Variants in CPPED1 observed in about 807,000 individuals in gnomAD.
CPPED1 encodes the protein serine/threonine-protein phosphatase CPPED1.
Under a neutral mutation model 28.0 loss-of-function variants are expected in CPPED1, and 28 were observed. That is an observed-to-expected ratio of 1.00 (90% CI 0.74 to 1.37). The LOEUF (loss-of-function observed/expected upper bound fraction) is 1.37, where lower values mean the gene tolerates loss of function less well. Ranked by LOEUF, CPPED1 falls within the 40% of genes most tolerant of loss-of-function variation. The pLI is 0.00. For missense variants in CPPED1, 504 were observed against 416.5 expected (o/e 1.21, Z -1.83); for synonymous variants, 198 against 180.2 (o/e 1.10, Z -0.79).
intron 2 of CPPED1, among the ~76,000 whole-genome samples, chr16:12,771,915 G>T (rs1270056434): frequency 6.6e-6 from 1 of 152,132 alleles, no homozygotes; most frequent in African/African-American, 2.4e-5. Flanking sequence ...CTGAGGTCAG[G>T]AGTTTGAGAC....
At chr16:12,673,734 G>C (rs925898012) in intron 3 of CPPED1, among the ~76,000 whole-genome samples, 2 of 152,194 alleles carry the variant, frequency 1.3e-5, no homozygotes, top group Admixed American at 6.5e-5. Context: ...GAGTAGCAAA[G>C]ATGCTGCAAG....
intron 2 of CPPED1, among the ~76,000 whole-genome samples, chr16:12,726,068 G>C (rs142881530): frequency 6.6e-6 from 1 of 151,796 alleles, no homozygotes; most frequent in African/African-American, 2.4e-5. Flanking sequence ...ATGAGATGAA[G>C]TCTCACTCTG....
At chr16:12,691,797 C>T (rs545492234) in intron 3 of CPPED1, among the ~76,000 whole-genome samples, 3 of 97,774 alleles carry the variant, frequency 3.1e-5, no homozygotes, top group East Asian at 2.7e-4. Context: ...GAACATCACA[C>T]GCTGGGGACT....
intron 1 of CPPED1, among the ~76,000 whole-genome samples, chr16:12,782,195 G>A (rs931523032): frequency 3.9e-5 from 6 of 152,168 alleles, no homozygotes; most frequent in Non-Finnish European, 7.3e-5. Context: ...CCGCGCCAGT[G>A]CCTGCTTGGG....
At chr16:12,803,561 C>A (rs984174682) in intron 1 of CPPED1, 146 bp downstream of exon 1, 3 of 653,878 alleles carry the variant, frequency 4.6e-6, no homozygotes, top group Admixed American at 4.2e-5. Context: ...TAAGAGCAGG[C>A]TTTGATGCAG....
intron 2 of CPPED1, among the ~76,000 whole-genome samples, chr16:12,728,462 C>T (rs567762413): frequency 4.6e-5 from 7 of 151,918 alleles, no homozygotes; most frequent in East Asian, 3.9e-4. Flanking sequence ...TCTTGAGATC[C>T]CCCGAGAAAG....
intron 2 of CPPED1, among the ~76,000 whole-genome samples, chr16:12,776,239 C>T (rs112139802): frequency 0.01 from 1,584 of 152,218 alleles, 26 homozygotes; most frequent in African/African-American, 0.036. Context: ...AGCCAAGAAA[C>T]GCAGTTGGCC....
At chr16:12,791,176 G>A (rs1027568886) in intron 1 of CPPED1, among the ~76,000 whole-genome samples, 5 of 151,574 alleles carry the variant, frequency 3.3e-5, no homozygotes, top group East Asian at 1.9e-4. Flanking sequence ...TTTAAGCCCC[G>A]CATGCATTAG....
intron 3 of CPPED1, among the ~76,000 whole-genome samples, chr16:12,666,104 A>G (rs947785258): frequency 4.6e-5 from 7 of 152,228 alleles, no homozygotes; most frequent in Non-Finnish European, 7.3e-5. Flanking sequence ...CGACAAGAGC[A>G]AGACTCCATC....
At chr16:12,741,402 G>A (rs533562239) in intron 2 of CPPED1, among the ~76,000 whole-genome samples, 1 of 151,332 alleles carries the variant, frequency 6.6e-6, no homozygotes, top group South Asian at 2.1e-4. Flanking sequence ...AGAGTCATTA[G>A]CGGTGATAAA....
intron 3 of CPPED1, among the ~76,000 whole-genome samples, chr16:12,679,901 G>T (rs2079896420): frequency 6.6e-6 from 1 of 152,016 alleles, no homozygotes; most frequent in African/African-American, 2.4e-5. Flanking sequence ...TCCCTCCCTA[G>T]GAATCTCATC....
chr16:12,763,991 CAAGGTATTTA>C (rs2080424841), intron 2 of CPPED1, among the ~76,000 whole-genome samples: 1 of 150,912 alleles, frequency 6.6e-6, no homozygotes, highest in Non-Finnish European at 1.5e-5. Flanking sequence ...AGGACAACAA[CAAGGTATTTA>C]AACATTGTGT....
Position 12,803,853 on chromosome 16 carries a change from G to T in CPPED1, c.-77C>A, listed in dbSNP as rs986996586. 1.4e-6 allele frequency: 2 copies of T among 1,380,914 alleles called. No homozygotes were observed. The highest frequency in any genetic ancestry group is 1.5e-5 in the African/African-American group (1 of 67,618). The allele number at this position is 1,380,914 out of a possible 1,614,324, so 85.5% of individuals were successfully genotyped here. On this transcript the variant is annotated 5_prime_UTR_variant, in exon 1 of 4. Transcript: ENST00000381774. ...GCGACTTCACACAGAACAACCGCTG[G>T]ACCTGTCCCGCTTTGGGCGACGCCC...
rs150523787 is a variant in CPPED1 at position 12,758,356 on chromosome 16, C to G, written c.289+22829G>C. 6.2e-3 allele frequency among the ~76,000 whole-genome samples: 947 copies of G among 152,188 alleles called. 11 individuals carry two copies. The highest frequency in any genetic ancestry group is 0.021 in the African/African-American group (874 of 41,512). Reference sequence around the variant, plus strand: ...TCCTAAATGACATTGAGTTTTAAACCCAATCTCCAAAAAGCCTGTATGTTT... The same window carrying G: ...TCCTAAATGACATTGAGTTTTAAACGCAATCTCCAAAAAGCCTGTATGTTT... On this transcript the variant is annotated intron_variant, in intron 2 of 3. Coordinates refer to ENST00000381774, the MANE Select transcript of CPPED1 (RefSeq NM_018340.3).
chr16:12,740,105 GGAAAGGAAA>G (rs1169477207), intron 2 of CPPED1, among the ~76,000 whole-genome samples: 1 of 148,424 alleles, frequency 6.7e-6, no homozygotes, highest in Non-Finnish European at 1.5e-5. Flanking sequence ...AGGAAAGGAA[GGAAAGGAAA>G]GAAAGGAAAG....
At chr16:12,774,599 A>G (rs2080487188) in intron 2 of CPPED1, among the ~76,000 whole-genome samples, 1 of 152,234 alleles carries the variant, frequency 6.6e-6, no homozygotes, top group African/African-American at 2.4e-5. Flanking sequence ...TCAAAAGCTC[A>G]CCACACATTG....
At chr16:12,740,091 A>AG (rs1194214004) in intron 2 of CPPED1, among the ~76,000 whole-genome samples, 2 of 145,632 alleles carry the variant, frequency 1.4e-5, no homozygotes, top group African/African-American at 4.9e-5. Context: ...AAGAAAGGAA[A>AG]GGAAGGAAAG....
chr16:12,687,204 T>G (rs1292422772), intron 3 of CPPED1, among the ~76,000 whole-genome samples: 1 of 152,186 alleles, frequency 6.6e-6, no homozygotes, highest in Non-Finnish European at 1.5e-5. Context: ...TTATTATTTT[T>G]TCATGTTTTG....
At position 12,803,796 on chromosome 16, in the gene CPPED1, T is replaced by A; in HGVS notation, c.-20A>T. ...CGACATGGCGAGCGAGTTTCTGGCC[T>A]TCACTTAGAACACTGCGTGGGTGGA... On this transcript the variant is annotated 5_prime_UTR_variant, in exon 1 of 4. It adds an upstream start codon to the 5' untranslated region. Coordinates refer to ENST00000381774, the MANE Select transcript of CPPED1 (RefSeq NM_018340.3). The A allele has an allele frequency of 6.3e-7, 1 of 1,596,532 alleles. No individual in the cohort carries two copies. Among genetic ancestry groups the A allele is most frequent in the South Asian group, 1.1e-5 (1 of 88,414 alleles).
Sources: gnomAD v4.1 joint callset for allele counts (sites outside exome capture counted in the v4.1 genomes callset) on GRCh38, gnomAD v4.1.1 for gene constraint, MANE v1.5 for transcripts, NCBI Gene and HGNC (gene_info 2026-07-23, HGNC 2026-07-21) for gene names.